DGLUCY: variants seen among roughly 807,000 people sequenced by gnomAD.
DGLUCY encodes the protein D-glutamate cyclase.
DGLUCY carries 58 observed loss-of-function variants against 58.5 expected under a neutral mutation model. The observed-to-expected ratio is 0.99, with a 90% CI of 0.80 to 1.23. The LOEUF is 1.23. DGLUCY is among the 50% of genes most tolerant of loss of function. The probability of loss-of-function intolerance (pLI) is 0.00; values close to 1 mark genes in which losing one functional copy is unlikely to be tolerated. For missense variants in DGLUCY, 779 were observed against 784.7 expected, an observed-to-expected ratio of 0.99 and a Z score of 0.09; for synonymous variants, 325 against 314.1, an observed-to-expected ratio of 1.03 and a Z score of -0.37.
At chr14:91,067,387 G>A (rs149245032) in intron 1 of DGLUCY, among the ~76,000 whole-genome samples, 12 of 152,296 alleles carry the variant, frequency 7.9e-5, no homozygotes, top group Non-Finnish European at 1.6e-4. Context: ...TAGGCAATGT[G>A]AGCAGGAAGT....
At chr14:91,145,991 G>T (rs1184153289) in intron 1 of DGLUCY, among the ~76,000 whole-genome samples, 1 of 152,030 alleles carries the variant, frequency 6.6e-6, no homozygotes, top group Non-Finnish European at 1.5e-5. Context: ...CAATCCTCCC[G>T]CATCAGTCTC....
chr14:91,217,674 G>C (rs1430743399), intron 13 of DGLUCY, among the ~76,000 whole-genome samples: 1 of 151,212 alleles, frequency 6.6e-6, no homozygotes, highest in African/African-American at 2.4e-5. Flanking sequence ...TTTTAGTAGA[G>C]ACAGGATTTC....
At chr14:91,080,416 G>A (rs572319720) in intron 1 of DGLUCY, among the ~76,000 whole-genome samples, 51 of 152,276 alleles carry the variant, frequency 3.3e-4, no homozygotes, top group African/African-American at 1.2e-3. Flanking sequence ...CTGTTGCCAG[G>A]CTGGAGTGAA....
At chr14:91,066,818 C>T (rs8016984) in intron 1 of DGLUCY, among the ~76,000 whole-genome samples, 57,413 of 151,718 alleles carry the variant, frequency 0.38, 13,103 homozygotes, top group Non-Finnish European at 0.49. Context: ...CGGTGGCTCA[C>T]GCCTGTAATC....
At chr14:91,158,831 CTTT>C (rs1304125904) in intron 2 of DGLUCY, 17 of 138,262 alleles carry the variant, frequency 1.2e-4, no homozygotes, top group Non-Finnish European at 1.6e-4. Flanking sequence ...TAAAACCTAT[CTTT>C]TTTTTTTTTT....
chr14:91,074,777 G>T (rs1346810247), intron 1 of DGLUCY, among the ~76,000 whole-genome samples: 1 of 152,120 alleles, frequency 6.6e-6, no homozygotes, highest in South Asian at 2.1e-4. Context: ...ATGTTTATAA[G>T]AATTGCTCTT....
chr14:91,116,828 C>T (rs2044985714), intron 1 of DGLUCY, among the ~76,000 whole-genome samples: 1 of 151,768 alleles, frequency 6.6e-6, no homozygotes, highest in Non-Finnish European at 1.5e-5. Flanking sequence ...CCTGTAATCC[C>T]AGCTATTTGG....
intron 13 of DGLUCY, among the ~76,000 whole-genome samples, chr14:91,221,356 G>A (rs1314309109): frequency 6.6e-6 from 1 of 152,220 alleles, no homozygotes. Context: ...AATGTTGGAT[G>A]GAGAGATGAT....
At position 91,218,016 on chromosome 14, in the gene DGLUCY, TG is replaced by T. The variant is rs1886850695; in HGVS notation, c.1716+2463del. On this transcript the variant is annotated intron_variant, in intron 13 of 13. Transcript: ENST00000256324. ...AGACCACCCAGCTGAGAGGCAGAGC[TG>T]GGATCCGAGTCTAGGTCTCTGTGAC... 3.3e-5 allele frequency among the ~76,000 whole-genome samples: 5 copies of T among 152,308 alleles called. No individual in the cohort carries two copies. The South Asian group carries it at 1.0e-3, about 32-fold the overall frequency.
At chr14:91,077,399 GAA>G (rs1342409252) in intron 1 of DGLUCY, among the ~76,000 whole-genome samples, 2 of 139,142 alleles carry the variant, frequency 1.4e-5, no homozygotes, top group East Asian at 2.1e-4. Context: ...AGGAAGGAGA[GAA>G]AGAAAAGAAA....
intron 12 of DGLUCY, among the ~76,000 whole-genome samples, chr14:91,214,386 G>A (rs1474324108): frequency 6.6e-6 from 1 of 152,166 alleles, no homozygotes; most frequent in Non-Finnish European, 1.5e-5. Flanking sequence ...CCCAAAACTG[G>A]GAAATAAGCC....
At chr14:91,217,054 G>C (rs983673840) in intron 13 of DGLUCY, among the ~76,000 whole-genome samples, 1 of 152,198 alleles carries the variant, frequency 6.6e-6, no homozygotes, top group African/African-American at 2.4e-5. Flanking sequence ...GCCTCCTCTG[G>C]GGCTCCTCAA....
chr14:91,075,112 G>A (rs939177270), intron 1 of DGLUCY, among the ~76,000 whole-genome samples: 41 of 148,712 alleles, frequency 2.8e-4, no homozygotes, highest in African/African-American at 9.1e-4. Context: ...TCTTTTTATC[G>A]TACAAACTTC....
chr14:91,167,091 A>G, intron 3 of DGLUCY, 134 bp from the exon 4 acceptor site: 1 of 1,165,504 alleles, frequency 8.6e-7, no homozygotes, highest in East Asian at 2.5e-5. Context: ...GTGAGCCAAG[A>G]TTGTGCCATT....
chr14:91,170,048 C>T lies in DGLUCY; in HGVS notation c.303C>T (p.Thr101=), dbSNP rs199942166. Residue 101 remains threonine (T), a synonymous_variant, in exon 5 of 14, where the codon ACC becomes ACT. Coordinates refer to ENST00000256324, the MANE Select transcript of DGLUCY (RefSeq NM_001102368.3). ...GGAAATACGAGTTCGGTGCCTGCAC[C>T]GGCAGCCTGGCTTCGCTGGAGCAGT... ...QFWKYEFGAC[T]GSLASLEQYS... 3.5e-5 allele frequency: 57 copies of T among 1,612,308 alleles called. No homozygotes were observed. In the Middle Eastern group the frequency reaches 6.6e-4, roughly 19 times the overall value.
chr14:91,095,745 A>G (rs1402825085), intron 1 of DGLUCY, among the ~76,000 whole-genome samples: 2 of 152,116 alleles, frequency 1.3e-5, no homozygotes, highest in African/African-American at 4.8e-5. Flanking sequence ...GCTCTCCTTT[A>G]TACACCTCTT....
chr14:91,098,009 T>G (rs887325001), intron 1 of DGLUCY, among the ~76,000 whole-genome samples: 1 of 151,762 alleles, frequency 6.6e-6, no homozygotes, highest in African/African-American at 2.4e-5. Context: ...ATATAAATAT[T>G]CCCCACTACA....
At chr14:91,215,103 C>A (rs185169753) in intron 12 of DGLUCY, among the ~76,000 whole-genome samples, 1 of 152,110 alleles carries the variant, frequency 6.6e-6, no homozygotes, top group African/African-American at 2.4e-5. Context: ...GAGCCGAGAT[C>A]GCACCACTAC....
intron 5 of DGLUCY, among the ~76,000 whole-genome samples, chr14:91,172,276 G>A (rs1182044496): frequency 1.3e-5 from 2 of 152,004 alleles, no homozygotes; most frequent in African/African-American, 2.4e-5. Flanking sequence ...ACAGGGTTTC[G>A]CTGTATTGCC....
Sources: allele counts gnomAD v4.1 joint callset (sites outside exome capture counted in the v4.1 genomes callset), GRCh38; gene constraint gnomAD v4.1.1; transcripts MANE v1.5; gene names NCBI Gene and HGNC (gene_info 2026-07-23, HGNC 2026-07-21).